The following POF1B variants were observed in gnomAD, a reference collection of about 807,000 sequenced individuals.
POF1B encodes POF1B actin binding protein.
In POF1B, 53 loss-of-function variants were observed where a neutral mutation model predicts 55.3. That is an observed-to-expected ratio of 0.96 (90% CI 0.77 to 1.20). The LOEUF is 1.20. Ranked by LOEUF, POF1B falls within the 50% of genes most tolerant of loss-of-function variation. The probability of loss-of-function intolerance (pLI) is 0.00; values close to 1 mark genes in which losing one functional copy is unlikely to be tolerated. For synonymous variants in POF1B, 188 were observed against 148.3 expected, an observed-to-expected ratio of 1.27 and a Z score of -1.95; for missense variants, 478 against 420.5, an observed-to-expected ratio of 1.14 and a Z score of -1.20.
At chrX:85,287,445 TAAAG>T (rs2147891803) in intron 15 of POF1B, among the ~76,000 whole-genome samples, 1 of 111,196 alleles carries the variant, frequency 9.0e-6, no homozygotes, top group Non-Finnish European at 1.9e-5. Flanking sequence ...GAAAGAATAA[TAAAG>T]AAATATTATG....
intron 15 of POF1B, among the ~76,000 whole-genome samples, chrX:85,300,867 T>C (rs1932431211): frequency 8.9e-6 from 1 of 111,936 alleles, no homozygotes; most frequent in African/African-American, 3.2e-5. Flanking sequence ...GAAACTACAG[T>C]AATTCTGAGG....
chrX:85,354,924 C>G (rs1411549998), intron 4 of POF1B, among the ~76,000 whole-genome samples: 1 of 111,338 alleles, frequency 9.0e-6, no homozygotes, highest in Non-Finnish European at 1.9e-5. Context: ...ATCAAGCTAC[C>G]AATGACTTTC....
At chrX:85,306,460 G>A (rs1932577827) in intron 11 of POF1B, 127 bp from the exon 12 acceptor site, 2 of 587,921 alleles carry the variant, frequency 3.4e-6, no homozygotes, top group Admixed American at 3.4e-5. Flanking sequence ...TATACTCTGG[G>A]TCTTAGATGG....
At chrX:85,338,998 A>G (rs999493003) in intron 6 of POF1B, among the ~76,000 whole-genome samples, 1 of 107,652 alleles carries the variant, frequency 9.3e-6, no homozygotes, top group Non-Finnish European at 1.9e-5. Flanking sequence ...TCAAGATTTT[A>G]TATCATGTTG....
chrX:85,303,481 G>A lies in POF1B; in HGVS notation c.1574C>T (p.Ser525Phe). 8.6e-7 allele frequency: 1 copy of A among 1,159,058 alleles called. No individual in the cohort carries two copies. Among genetic ancestry groups the A allele is most frequent in the Non-Finnish European group, 1.2e-6 (1 of 853,783 alleles). The change falls in exon 15 of 17, where the codon TCC becomes TTC. Residue 525 changes from serine to phenylalanine, a missense_variant. Transcript: ENST00000262753. ...SLIKRQSEELSKLRQEIYSSH... is the reference protein window; with the variant it reads ...SLIKRQSEELFKLRQEIYSSH... ...GGAATATATTTCTTGCCGCAACTTG[G>A]AGAGTTCCTTACAAATAAAAGATAA... is the stretch of plus-strand genomic sequence containing the variant.
At chrX:85,287,585 T>A (rs1220916587) in intron 15 of POF1B, among the ~76,000 whole-genome samples, 1 of 111,547 alleles carries the variant, frequency 9.0e-6, no homozygotes, top group Non-Finnish European at 1.9e-5. Context: ...TTTTTAAAAT[T>A]GAATTTACAA....
At position 85,360,529 on chromosome X, in the gene POF1B, A is replaced by G. The variant is rs958309783; in HGVS notation, c.358-899T>C. Among the ~76,000 whole-genome samples, 140 of 20,682 alleles carry G rather than the reference A, an allele frequency of 6.8e-3. 1 individual carries two copies. The highest frequency in any genetic ancestry group is 0.032 in the Admixed American group (43 of 1,364). 18.0% of individuals were successfully genotyped at this position (20,682 alleles called of 115,157 possible). On this transcript the variant is annotated intron_variant, in intron 3 of 16. Coordinates refer to ENST00000262753, the MANE Select transcript of POF1B (RefSeq NM_024921.4). The stretch of plus-strand genomic sequence containing the variant: ...GGCTGCCTAGTATTCCATGGTATGT[A>G]TATATATATATATATATATATATAT...
intron 2 of POF1B, among the ~76,000 whole-genome samples, chrX:85,378,113 T>G (rs1466268304): frequency 3.6e-5 from 4 of 111,567 alleles, no homozygotes; most frequent in Non-Finnish European, 7.5e-5. Context: ...GACCTTTATA[T>G]TTTTCTTCTC....
At chrX:85,367,884 C>T (rs890434882) in intron 2 of POF1B, 118 bp from the exon 3 acceptor site, 12 of 450,286 alleles carry the variant, frequency 2.7e-5, no homozygotes, top group Non-Finnish European at 4.5e-5. Flanking sequence ...TTATTTAGTG[C>T]TTTCTTAGAT....
rs765349674 is a variant in POF1B at position 85,282,250 on chromosome X, C to T, written c.1717G>A (p.Glu573Lys). 7 of 1,192,487 alleles carry T rather than the reference C, an allele frequency of 5.9e-6. No individual in the cohort carries two copies. The African/African-American group carries it at 1.2e-4, about 21-fold the overall frequency. ...DDYEYIPPGS[E>K]TQTIVIEKTE... is the part of the protein sequence containing the mutation. The stretch of plus-strand genomic sequence containing the variant: ...TTCTCAATCACAATAGTCTGTGTTT[C>T]ACTACCTGGTGGTATATATTCGTAG... The change falls in exon 16 of 17, where the codon GAA (glutamate) becomes AAA (lysine). Residue 573 changes from glutamate to lysine, a missense_variant. Glu to Lys is a moderately conservative substitution (Grantham distance 56). Coordinates refer to ENST00000262753, the MANE Select transcript of POF1B (RefSeq NM_024921.4).
At chrX:85,282,963 G>A (rs1027320987) in intron 15 of POF1B, among the ~76,000 whole-genome samples, 1 of 111,290 alleles carries the variant, frequency 9.0e-6, no homozygotes, top group Admixed American at 9.6e-5. Context: ...CAAAACCAGA[G>A]TGAAAAGCTC....
At chrX:85,305,280 A>C (rs1932544739) in intron 13 of POF1B, among the ~76,000 whole-genome samples, 1 of 111,272 alleles carries the variant, frequency 9.0e-6, no homozygotes, top group African/African-American at 3.3e-5. Context: ...TCAACCTAGA[A>C]TTACAAGTTA....
Position 85,379,396 on chromosome X carries a change from G to T in POF1B, c.59C>A (p.Pro20Gln), listed in dbSNP as rs779921838. Residue 20 changes from proline to glutamine, a missense_variant, in exon 2 of 17, where the codon CCA (proline) becomes CAA (glutamine). Physicochemically the swap from Pro to Gln is moderately conservative, Grantham distance 76 (BLOSUM62 -1). Coordinates refer to ENST00000262753, the MANE Select transcript of POF1B (RefSeq NM_024921.4). ...CTGGGGCTGGCACTGCAGCACCTCT[G>T]GGAGCTGCTGGGTTCCACAGCTGCT... ...SSSSCGTQQLPEVLQCQPQHY... is the reference protein window; with the variant it reads ...SSSSCGTQQLQEVLQCQPQHY... The T allele has an allele frequency of 9.9e-6, 12 of 1,209,239 alleles. No individual in the cohort carries two copies. The highest frequency in any genetic ancestry group is 1.3e-5 in the Non-Finnish European group (12 of 894,583).
chrX:85,379,184 C>T lies in POF1B; in HGVS notation c.271G>A (p.Asp91Asn). ...TTTCTTTGTTGTACCTGAGAATGGT[C>T]GCTCCAAACCAAATTTTGGTAGGAG... ...TSSYQNLVWS[D>N]HSQELHSPTL... Residue 91 changes from aspartate (D) to asparagine (N), a missense_variant, in exon 2 of 17, where the codon GAC becomes AAC. Physicochemically the swap from Asp to Asn is conservative, Grantham distance 23. Coordinates refer to ENST00000262753, the MANE Select transcript of POF1B (RefSeq NM_024921.4). 1 of 1,210,366 alleles carries T rather than the reference C, an allele frequency of 8.3e-7. No individual in the cohort carries two copies. Among genetic ancestry groups the T allele is most frequent in the South Asian group, 1.8e-5 (1 of 56,857 alleles).
chrX:85,334,399 A>AG, intron 6 of POF1B, among the ~76,000 whole-genome samples: 1 of 111,795 alleles, frequency 8.9e-6, no homozygotes. Flanking sequence ...GAAGGAATAC[A>AG]GGCTGTGCTG....
chrX:85,356,899 G>T (rs928718252), intron 4 of POF1B, among the ~76,000 whole-genome samples: 1 of 110,981 alleles, frequency 9.0e-6, no homozygotes, highest in South Asian at 3.8e-4. Flanking sequence ...ACGGTTCCCA[G>T]GCCCCAAAAT....
chrX:85,378,324 C>T (rs758354471), intron 2 of POF1B, among the ~76,000 whole-genome samples: 196 of 111,381 alleles, frequency 1.8e-3, no homozygotes, highest in African/African-American at 6.1e-3. Context: ...ACAGAATTTT[C>T]CAGAAAGCTT....
At chrX:85,286,864 T>A (rs948707148) in intron 15 of POF1B, among the ~76,000 whole-genome samples, 3 of 110,760 alleles carry the variant, frequency 2.7e-5, no homozygotes, top group African/African-American at 9.8e-5. Flanking sequence ...AAAGGAGAAA[T>A]AAACAAATCC....
At chrX:85,312,630 T>C (rs887380023) in intron 9 of POF1B, among the ~76,000 whole-genome samples, 2 of 111,639 alleles carry the variant, frequency 1.8e-5, no homozygotes, top group Admixed American at 1.9e-4. Context: ...CTTTGTTCTT[T>C]TGGCTTAGGA....
Sources: allele counts gnomAD v4.1 joint callset (sites outside exome capture counted in the v4.1 genomes callset), GRCh38; gene constraint gnomAD v4.1.1; transcripts MANE v1.5; gene names NCBI Gene and HGNC (gene_info 2026-07-23, HGNC 2026-07-21).